AGBL1: variants seen among roughly 807,000 people sequenced by gnomAD.
The protein encoded by AGBL1 is cytosolic carboxypeptidase 4.
Under a neutral mutation model 118.9 loss-of-function variants are expected in AGBL1, and 130 were observed. The observed-to-expected ratio is 1.09, with a 90% CI of 0.95 to 1.26. AGBL1 has a LOEUF of 1.26. Among genes scored for constraint, AGBL1 ranks in the 50% most tolerant of loss-of-function variants. AGBL1 has a pLI of 0.00. For missense variants in AGBL1, 1,584 were observed against 1,298.1 expected (o/e 1.22, Z -3.38); for synonymous variants, 555 against 478.9 (o/e 1.16, Z -2.08).
At chr15:86,258,860 C>A (rs984151925) in intron 9 of AGBL1, among the ~76,000 whole-genome samples, 1 of 152,134 alleles carries the variant, frequency 6.6e-6, no homozygotes, top group Non-Finnish European at 1.5e-5. Context: ...ATGCCTACCA[C>A]CACACCCAGC....
intron 18 of AGBL1, among the ~76,000 whole-genome samples, chr15:86,407,553 A>G (rs2081547717): frequency 6.6e-6 from 1 of 152,202 alleles, no homozygotes; most frequent in African/African-American, 2.4e-5. Flanking sequence ...CCAGAACAGA[A>G]AGGCTTCTAA....
chr15:86,887,579 T>C (rs1319735054), intron 22 of AGBL1, among the ~76,000 whole-genome samples: 1 of 152,206 alleles, frequency 6.6e-6, no homozygotes, highest in African/African-American at 2.4e-5. Context: ...TTTGTGAAAA[T>C]AGAAATACCA....
chr15:86,164,814 C>T (rs780573414), intron 5 of AGBL1, among the ~76,000 whole-genome samples: 6 of 152,204 alleles, frequency 3.9e-5, no homozygotes, highest in Admixed American at 6.5e-5. Context: ...CATTGCTCCA[C>T]ACTTCCAGAA....
intron 21 of AGBL1, among the ~76,000 whole-genome samples, chr15:86,596,806 A>G (rs115681715): frequency 6.6e-6 from 1 of 152,142 alleles, no homozygotes; most frequent in Non-Finnish European, 1.5e-5. Flanking sequence ...GAATCTATTT[A>G]CCTTGCTTTC....
At chr15:86,995,431 T>C (rs2081371251) in intron 24 of AGBL1, among the ~76,000 whole-genome samples, 1 of 152,036 alleles carries the variant, frequency 6.6e-6, no homozygotes, top group Non-Finnish European at 1.5e-5. Flanking sequence ...CTAAGGTACA[T>C]AGAAGTTAAC....
chr15:86,489,200 G>T (rs2082748836), intron 18 of AGBL1, among the ~76,000 whole-genome samples: 1 of 152,040 alleles, frequency 6.6e-6, no homozygotes, highest in South Asian at 2.1e-4. Context: ...TTTGCCTTTG[G>T]GACTAGACCA....
At chr15:86,678,609 T>A (rs756692924) in intron 22 of AGBL1, among the ~76,000 whole-genome samples, 9 of 152,150 alleles carry the variant, frequency 5.9e-5, no homozygotes, top group Non-Finnish European at 1.0e-4. Flanking sequence ...TCACATTTTC[T>A]ATATGGTTTA....
chr15:86,113,944 G>T (rs1308096642), intron 1 of AGBL1, among the ~76,000 whole-genome samples: 1 of 152,052 alleles, frequency 6.6e-6, no homozygotes, highest in Non-Finnish European at 1.5e-5. Flanking sequence ...GTGTTATATT[G>T]GTTCTTTGAA....
chr15:86,719,392 G>A (rs2086683844), intron 22 of AGBL1, among the ~76,000 whole-genome samples: 1 of 152,092 alleles, frequency 6.6e-6, no homozygotes, highest in Non-Finnish European at 1.5e-5. Context: ...GCTAAAGATG[G>A]GGTAGAGAAA....
chr15:86,500,265 G>T (rs1380224228), intron 18 of AGBL1, among the ~76,000 whole-genome samples: 1 of 151,742 alleles, frequency 6.6e-6, no homozygotes, highest in East Asian at 1.9e-4. Flanking sequence ...GTGTCTCATG[G>T]CTTCTTGATA....
At chr15:86,550,793 T>G (rs2083653584) in intron 20 of AGBL1, among the ~76,000 whole-genome samples, 2 of 152,122 alleles carry the variant, frequency 1.3e-5, no homozygotes, top group South Asian at 4.1e-4. Flanking sequence ...TCTTTTTGAG[T>G]GCACATCAAA....
At chr15:86,452,518 C>T (rs4887466) in intron 18 of AGBL1, among the ~76,000 whole-genome samples, 81,884 of 151,956 alleles carry the variant, frequency 0.54, 22,927 homozygotes, top group East Asian at 0.82. Flanking sequence ...ATCTTTATCA[C>T]CTGTCCTTAG....
chr15:86,170,490 A>G (rs1364410296), intron 5 of AGBL1, among the ~76,000 whole-genome samples: 1 of 152,096 alleles, frequency 6.6e-6, no homozygotes, highest in South Asian at 2.1e-4. Flanking sequence ...TGATAGGGAC[A>G]CAGGAAACCA....
intron 18 of AGBL1, among the ~76,000 whole-genome samples, chr15:86,428,933 T>C (rs1006041543): frequency 3.3e-5 from 5 of 152,236 alleles, no homozygotes; most frequent in African/African-American, 9.6e-5. Flanking sequence ...CCTGATTCCA[T>C]GGTGTGTCCC....
Position 86,258,297 on chromosome 15 carries a change from G to A in AGBL1, c.969+266G>A, listed in dbSNP as rs965701606. ...TATTATGACACCAATACTTTATTCA[G>A]ATGACCTTTAGGCACACATTTAACA... is the stretch of plus-strand genomic sequence containing the variant. On this transcript the variant is annotated intron_variant, in intron 9 of 22. Coordinates refer to ENST00000614907, the MANE Select transcript of AGBL1 (RefSeq NM_001386094.1). 3.3e-5 allele frequency among the ~76,000 whole-genome samples: 5 copies of A among 152,238 alleles called. No homozygotes were observed. The East Asian group carries it at 9.7e-4, about 29-fold the overall frequency.
chr15:87,022,233 T>C (rs1208468981), intron 24 of AGBL1, among the ~76,000 whole-genome samples: 1 of 151,868 alleles, frequency 6.6e-6, no homozygotes, highest in Non-Finnish European at 1.5e-5. Context: ...GAAAACCAAC[T>C]CTGGTAATAT....
intron 21 of AGBL1, among the ~76,000 whole-genome samples, chr15:86,657,562 C>T (rs1370068182): frequency 6.6e-6 from 1 of 152,162 alleles, no homozygotes; most frequent in Non-Finnish European, 1.5e-5. Context: ...AAGTGACTCA[C>T]AGTGGGATAT....
chr15:86,278,080 T>C (rs547020980), intron 15 of AGBL1, among the ~76,000 whole-genome samples: 2 of 152,362 alleles, frequency 1.3e-5, no homozygotes, highest in African/African-American at 4.8e-5. Context: ...CGAGCTACCA[T>C]CTGCTTCTTT....
chr15:86,278,527 A>T (rs963770137), intron 15 of AGBL1, among the ~76,000 whole-genome samples: 16 of 152,184 alleles, frequency 1.1e-4, no homozygotes, highest in Admixed American at 6.5e-5. Context: ...TTGCTTAGGT[A>T]GGGAGTGGCA....
Sources: gnomAD v4.1 joint callset for allele counts (sites outside exome capture counted in the v4.1 genomes callset) on GRCh38, gnomAD v4.1.1 for gene constraint, MANE v1.5 for transcripts, NCBI Gene and HGNC (gene_info 2026-07-23, HGNC 2026-07-21) for gene names.